CCSER1: variants seen among roughly 807,000 people sequenced by gnomAD.
The protein encoded by CCSER1 is coiled-coil serine rich protein 1, also known as serine-rich coiled-coil domain-containing protein 1.
In CCSER1, 41 loss-of-function variants were observed where a neutral mutation model predicts 82.0. The observed-to-expected ratio is 0.50, with a 90% CI of 0.39 to 0.65. The LOEUF (loss-of-function observed/expected upper bound fraction) is 0.65, where lower values mean the gene tolerates loss of function less well. CCSER1 is among the 30% of genes least tolerant of loss of function. The pLI is 0.00. For synonymous variants in CCSER1, 414 were observed against 383.9 expected (o/e 1.08, Z -0.92); for missense variants, 1,119 against 1,064.2 (o/e 1.05, Z -0.72).
intron 1 of CCSER1, among the ~76,000 whole-genome samples, chr4:90,161,962 A>G (rs2153366905): frequency 6.6e-6 from 1 of 152,278 alleles, no homozygotes; most frequent in Non-Finnish European, 1.5e-5. Flanking sequence ...AAGCAAGTAG[A>G]CAAATGTTGC....
At chr4:91,474,765 G>GTATA (rs1345339551) in intron 10 of CCSER1, among the ~76,000 whole-genome samples, 2 of 134,834 alleles carry the variant, frequency 1.5e-5, no homozygotes, top group South Asian at 2.3e-4. Context: ...ACACATGTGT[G>GTATA]TGTATATATA....
intron 4 of CCSER1, among the ~76,000 whole-genome samples, chr4:90,400,452 C>T (rs570228062): frequency 1.3e-5 from 2 of 152,096 alleles, no homozygotes; most frequent in Admixed American, 6.5e-5. Flanking sequence ...TGGAAGAAAG[C>T]AATAATTATA....
chr4:90,596,656 T>C (rs573209731), intron 5 of CCSER1, among the ~76,000 whole-genome samples: 1 of 151,990 alleles, frequency 6.6e-6, no homozygotes, highest in African/African-American at 2.4e-5. Context: ...TTCAATTCTC[T>C]TGTTACTGAT....
At chr4:90,456,838 A>C (rs1277535727) in intron 4 of CCSER1, among the ~76,000 whole-genome samples, 1 of 152,192 alleles carries the variant, frequency 6.6e-6, no homozygotes, top group Non-Finnish European at 1.5e-5. Flanking sequence ...ATCCTGGATG[A>C]GCCCCCCAAA....
intron 5 of CCSER1, among the ~76,000 whole-genome samples, chr4:90,584,212 A>C (rs1781738680): frequency 6.6e-6 from 1 of 152,172 alleles, no homozygotes; most frequent in Non-Finnish European, 1.5e-5. Context: ...GAGATTATCT[A>C]GTTTTGCTTG....
chr4:91,031,021 C>A (rs1219301216), intron 9 of CCSER1, among the ~76,000 whole-genome samples: 1 of 152,090 alleles, frequency 6.6e-6, no homozygotes, highest in Non-Finnish European at 1.5e-5. Flanking sequence ...ACAAATATTT[C>A]CCATTGCTTA....
intron 10 of CCSER1, among the ~76,000 whole-genome samples, chr4:91,295,381 G>T (rs1214869855): frequency 6.6e-6 from 1 of 151,780 alleles, no homozygotes; most frequent in Non-Finnish European, 1.5e-5. Context: ...ATACAGTATT[G>T]TTTGTAAAGA....
chr4:90,383,821 T>C (rs1200346425), intron 3 of CCSER1, among the ~76,000 whole-genome samples: 1 of 152,098 alleles, frequency 6.6e-6, no homozygotes, highest in Non-Finnish European at 1.5e-5. Context: ...AACTGTAAAG[T>C]TCTGGACTCA....
At chr4:91,057,282 C>G (rs1743533027) in intron 9 of CCSER1, among the ~76,000 whole-genome samples, 2 of 152,060 alleles carry the variant, frequency 1.3e-5, no homozygotes, top group African/African-American at 4.8e-5. Context: ...TCAAGCTTTC[C>G]TCTTGAAGTA....
chr4:91,376,500 A>T lies in CCSER1; in HGVS notation c.2218-222072A>T, dbSNP rs547760084. The stretch of plus-strand genomic sequence containing the variant: ...CATATGTGGTCTATCATTGAATTAA[A>T]GGTTGTTATGTGGCACATGATTGTA... On this transcript the variant is annotated intron_variant, in intron 10 of 10. Transcript: ENST00000509176. 9.5e-4 allele frequency among the ~76,000 whole-genome samples: 145 copies of T among 152,318 alleles called. 1 individual carries two copies. Among genetic ancestry groups the T allele is most frequent in the Non-Finnish European group, 1.7e-3 (118 of 68,034 alleles).
At chr4:90,743,073 T>C (rs954182782) in intron 7 of CCSER1, among the ~76,000 whole-genome samples, 1 of 152,176 alleles carries the variant, frequency 6.6e-6, no homozygotes, top group Non-Finnish European at 1.5e-5. Flanking sequence ...AAATTAAAAT[T>C]TGGATAATAA....
chr4:91,056,799 A>G (rs1743489082), intron 9 of CCSER1, among the ~76,000 whole-genome samples: 1 of 152,196 alleles, frequency 6.6e-6, no homozygotes, highest in Non-Finnish European at 1.5e-5. Flanking sequence ...GCTGAGGTGT[A>G]AAGTAAAACC....
chr4:91,016,017 C>G (rs926786074), intron 9 of CCSER1, among the ~76,000 whole-genome samples: 1 of 151,974 alleles, frequency 6.6e-6, no homozygotes, highest in African/African-American at 2.4e-5. Flanking sequence ...CGTCTGAATA[C>G]TTATTACTGA....
intron 8 of CCSER1, among the ~76,000 whole-genome samples, chr4:90,886,956 C>T (rs1463474185): frequency 6.6e-6 from 1 of 152,088 alleles, no homozygotes; most frequent in African/African-American, 2.4e-5. Flanking sequence ...ATTGAAACTA[C>T]TTAGAAGAAG....
chr4:91,045,772 A>G (rs1029040904), intron 9 of CCSER1, among the ~76,000 whole-genome samples: 1 of 150,562 alleles, frequency 6.6e-6, no homozygotes, highest in African/African-American at 2.5e-5. Flanking sequence ...AATAATGCAA[A>G]ATCTTGGGGT....
intron 10 of CCSER1, among the ~76,000 whole-genome samples, chr4:91,174,920 A>G (rs1733158167): frequency 6.6e-6 from 1 of 151,816 alleles, no homozygotes; most frequent in African/African-American, 2.4e-5. Context: ...AGTGCCATAC[A>G]CATTAACTAG....
chr4:90,669,628 C>T (rs1197682317), intron 6 of CCSER1, among the ~76,000 whole-genome samples: 1 of 151,962 alleles, frequency 6.6e-6, no homozygotes, highest in African/African-American at 2.4e-5. Context: ...AAGCAACTAA[C>T]AATTGAGTCG....
chr4:91,531,032 A>C (rs952897818), intron 10 of CCSER1, among the ~76,000 whole-genome samples: 1 of 152,122 alleles, frequency 6.6e-6, no homozygotes, highest in Non-Finnish European at 1.5e-5. Context: ...AAAAATGTAT[A>C]CTTATTTATT....
At chr4:91,165,932 C>CTG (rs1732009459) in intron 10 of CCSER1, among the ~76,000 whole-genome samples, 1 of 152,224 alleles carries the variant, frequency 6.6e-6, no homozygotes, top group South Asian at 2.1e-4. Flanking sequence ...CCTCCATGGG[C>CTG]TGCACCTACT....
Sources: allele counts gnomAD v4.1 joint callset (sites outside exome capture counted in the v4.1 genomes callset), GRCh38; gene constraint gnomAD v4.1.1; transcripts MANE v1.5; gene names NCBI Gene and HGNC (gene_info 2026-07-23, HGNC 2026-07-21).